OR3A2: variants seen among roughly 807,000 people sequenced by gnomAD.
OR3A2 encodes olfactory receptor 3A2.
For missense variants in OR3A2, 318 were observed against 392.8 expected, an observed-to-expected ratio of 0.81 and a Z score of 1.61; for synonymous variants, 126 against 159.3, an observed-to-expected ratio of 0.79 and a Z score of 1.57.
intron 2 of OR3A2, among the ~76,000 whole-genome samples, chr17:3,371,691 G>A (rs2049624301): frequency 7.0e-6 from 1 of 142,288 alleles, no homozygotes; most frequent in African/African-American, 2.6e-5. Flanking sequence ...TGGCCGGGCG[G>A]GGGTGCTGAC....
chr17:3,285,807 A>G (rs1319530969), upstream of OR3A2, among the ~76,000 whole-genome samples: 2 of 152,168 alleles, frequency 1.3e-5, no homozygotes, highest in Non-Finnish European at 2.9e-5. Flanking sequence ...CAACAACAAA[A>G]CAAACACAGA....
Position 3,371,837 on chromosome 17 carries a change from C to A in OR3A2, c.-179+11967G>T, listed in dbSNP as rs1380120495. On this transcript the variant is annotated intron_variant, in intron 2 of 4. Coordinates refer to the OR3A2 transcript ENST00000573491. ...CCGGGCGGGGGGCTGACCTCCCCAC[C>A]ACCTCCCGCCCGGACGGGGCGGCTG... Among the ~76,000 whole-genome samples, 12 of 140,936 alleles carry A rather than the reference C, an allele frequency of 8.5e-5. 1 individual carries two copies. The highest frequency in any genetic ancestry group is 2.8e-4 in the Admixed American group (4 of 14,464). The allele number at this position is 140,936 out of a possible 152,430, so 92.5% of individuals were successfully genotyped here.
At chr17:3,348,677 C>G (rs375953323) in intron 2 of OR3A2, among the ~76,000 whole-genome samples, 22,655 of 151,298 alleles carry the variant, frequency 0.15, 2,278 homozygotes, top group African/African-American at 0.28. Context: ...GAAATACAGA[C>G]AACACCACAA....
chr17:3,323,977 C>T (rs391625), intron 3 of OR3A2, among the ~76,000 whole-genome samples: 3,050 of 152,152 alleles, frequency 0.02, 129 homozygotes, highest in African/African-American at 0.067. Context: ...CCATTCTCCC[C>T]GTCATTTTCA....
chr17:3,277,629 C>T, exon 2 of OR3A2: 1 of 190,560 alleles, frequency 5.2e-6, no homozygotes, highest in East Asian at 1.2e-4. Flanking sequence ...TTCATATTAA[C>T]ATCTTTGTTC....
chr17:3,378,036 A>G (rs2049699089), intron 2 of OR3A2, among the ~76,000 whole-genome samples: 1 of 152,234 alleles, frequency 6.6e-6, no homozygotes, highest in Non-Finnish European at 1.5e-5. Flanking sequence ...ATGGTCATCA[A>G]TGAGGTTCGC....
intron 2 of OR3A2, among the ~76,000 whole-genome samples, chr17:3,357,430 T>C (rs578020479): frequency 1.3e-5 from 2 of 151,630 alleles, no homozygotes; most frequent in African/African-American, 4.9e-5. Context: ...ATTAAGAACA[T>C]CTTAGAACAT....
chr17:3,372,880 AGAGGGAGAGGGAGAGGGAGAGG>A (rs2049644667), intron 2 of OR3A2, among the ~76,000 whole-genome samples: 2 of 72,826 alleles, frequency 2.7e-5, no homozygotes, highest in African/African-American at 9.5e-5. Flanking sequence ...AGGGAGAGGG[AGAGGGAGAGGGAGAGGGAGAGG>A]GAGAGGGCTC....
intron 2 of OR3A2, among the ~76,000 whole-genome samples, chr17:3,371,545 C>A (rs566324814): frequency 4.5e-4 from 62 of 138,934 alleles, no homozygotes; most frequent in Non-Finnish European, 7.2e-4. Flanking sequence ...CCCTCCCGGA[C>A]GGGGCGGCTG....
chr17:3,368,474 C>T (rs774296417), intron 2 of OR3A2, among the ~76,000 whole-genome samples: 15 of 152,140 alleles, frequency 9.9e-5, no homozygotes, highest in Non-Finnish European at 1.9e-4. Flanking sequence ...TATGCCAGCA[C>T]CATTTGTTGA....
intron 2 of OR3A2, among the ~76,000 whole-genome samples, chr17:3,343,086 G>A (rs1397371601): frequency 6.6e-6 from 1 of 152,182 alleles, no homozygotes; most frequent in East Asian, 1.9e-4. Context: ...TAATCTCCTG[G>A]TGTGCCATTT....
intron 1 of OR3A2, among the ~76,000 whole-genome samples, chr17:3,385,678 C>T (rs2049771385): frequency 6.6e-6 from 1 of 152,126 alleles, no homozygotes; most frequent in African/African-American, 2.4e-5. Flanking sequence ...CAGGTCTGAC[C>T]TACACCAAAG....
At chr17:3,355,510 G>A (rs560872874) in intron 2 of OR3A2, among the ~76,000 whole-genome samples, 13 of 150,462 alleles carry the variant, frequency 8.6e-5, no homozygotes, top group South Asian at 8.4e-4. Flanking sequence ...ACAGTGCTGC[G>A]TACATATATA....
Position 3,364,277 on chromosome 17 carries a change from G to A in OR3A2, c.-179+19527C>T, listed in dbSNP as rs375508040. On this transcript the variant is annotated intron_variant, in intron 2 of 4. Coordinates refer to the OR3A2 transcript ENST00000573491. Reference sequence around the variant, plus strand: ...TGGGGTATAATATGTTTTGATACACGTATACATTATGGAATGATCAAATCA... The same window carrying A: ...TGGGGTATAATATGTTTTGATACACATATACATTATGGAATGATCAAATCA... 6.6e-5 allele frequency among the ~76,000 whole-genome samples: 10 copies of A among 152,192 alleles called. No individual in the cohort carries two copies. In the South Asian group the frequency reaches 1.7e-3, roughly 25 times the overall value.
At chr17:3,334,570 C>T (rs1597346617) in intron 3 of OR3A2, among the ~76,000 whole-genome samples, 4 of 152,156 alleles carry the variant, frequency 2.6e-5, no homozygotes, top group Admixed American at 2.6e-4. Context: ...TACTCTCTTT[C>T]CTCCCAAATG....
intron 2 of OR3A2, among the ~76,000 whole-genome samples, chr17:3,381,456 C>G (rs1341857063): frequency 6.6e-6 from 1 of 152,066 alleles, no homozygotes; most frequent in Non-Finnish European, 1.5e-5. Flanking sequence ...GTGTCCACAA[C>G]AGCAGCTCAG....
chr17:3,286,127 C>T (rs2048808785), upstream of OR3A2, among the ~76,000 whole-genome samples: 1 of 152,092 alleles, frequency 6.6e-6, no homozygotes. Flanking sequence ...CATGTGTTCT[C>T]ATTATTCAAC....
intron 3 of OR3A2, among the ~76,000 whole-genome samples, chr17:3,326,715 C>T (rs1363054082): frequency 1.6e-5 from 2 of 121,264 alleles, no homozygotes; most frequent in Non-Finnish European, 3.3e-5. Flanking sequence ...CCCCCCACTC[C>T]ACCACAGTCC....
chr17:3,344,582 T>A (rs1174860261), intron 2 of OR3A2, among the ~76,000 whole-genome samples: 1 of 152,196 alleles, frequency 6.6e-6, no homozygotes, highest in African/African-American at 2.4e-5. Flanking sequence ...CTTCCCTTAA[T>A]AAAGTTTGTA....
Sources: gnomAD v4.1 joint callset for allele counts (sites outside exome capture counted in the v4.1 genomes callset) on GRCh38, gnomAD v4.1.1 for gene constraint, MANE v1.5 for transcripts, NCBI Gene and HGNC (gene_info 2026-07-23, HGNC 2026-07-21) for gene names.